The following ATRNL1 variants were observed in gnomAD, a reference collection of about 807,000 sequenced individuals.
ATRNL1 encodes the protein attractin like 1.
ATRNL1 carries 95 observed loss-of-function variants against 182.7 expected under a neutral mutation model. The observed-to-expected ratio is 0.52, with a 90% CI of 0.44 to 0.62. ATRNL1 has a LOEUF of 0.62. ATRNL1 is among the 20% of genes least tolerant of loss of function. The probability of loss-of-function intolerance (pLI) is 0.00; values close to 1 mark genes in which losing one functional copy is unlikely to be tolerated. For missense variants in ATRNL1, 1,471 were observed against 1,679.5 expected (o/e 0.88, Z 2.17); for synonymous variants, 576 against 568.3 (o/e 1.01, Z -0.19).
chr10:115,880,395 A>G (rs11197466), intron 28 of ATRNL1, among the ~76,000 whole-genome samples: 1 of 152,308 alleles, frequency 6.6e-6, no homozygotes, highest in East Asian at 1.9e-4. Flanking sequence ...AGGCCAAGGC[A>G]GGTGGATCAC....
At chr10:115,781,454 A>G (rs1481261893) in intron 27 of ATRNL1, among the ~76,000 whole-genome samples, 16 of 152,234 alleles carry the variant, frequency 1.1e-4, no homozygotes, top group African/African-American at 3.9e-4. Flanking sequence ...AGATTAAGAT[A>G]AATACATTTT....
At chr10:115,941,953 A>T (rs1193919675) in intron 28 of ATRNL1, among the ~76,000 whole-genome samples, 1 of 152,248 alleles carries the variant, frequency 6.6e-6, no homozygotes, top group Non-Finnish European at 1.5e-5. Context: ...TAAACTTTGA[A>T]CTTGTAATAA....
At chr10:115,668,711 T>G (rs1355462238) in intron 26 of ATRNL1, among the ~76,000 whole-genome samples, 1 of 152,160 alleles carries the variant, frequency 6.6e-6, no homozygotes, top group African/African-American at 2.4e-5. Context: ...CTTTTACATT[T>G]GTGTCTTAAA....
intron 25 of ATRNL1, among the ~76,000 whole-genome samples, chr10:115,531,235 G>T (rs2133746671): frequency 6.6e-6 from 1 of 151,716 alleles, no homozygotes; most frequent in South Asian, 2.1e-4. Context: ...CTAGTTTACA[G>T]TCCCACCAAC....
chr10:115,149,454 G>C (rs1425854889), intron 5 of ATRNL1, among the ~76,000 whole-genome samples: 1 of 151,966 alleles, frequency 6.6e-6, no homozygotes, highest in African/African-American at 2.4e-5. Flanking sequence ...TCCTGTAACA[G>C]TATGATATTA....
At chr10:115,466,416 C>A (rs1280505739) in intron 22 of ATRNL1, among the ~76,000 whole-genome samples, 1 of 151,274 alleles carries the variant, frequency 6.6e-6, no homozygotes, top group African/African-American at 2.4e-5. Context: ...TTATGACTAT[C>A]ATTCTTTGCC....
At chr10:115,456,664 T>G (rs1428848222) in intron 21 of ATRNL1, among the ~76,000 whole-genome samples, 1 of 152,096 alleles carries the variant, frequency 6.6e-6, no homozygotes, top group Non-Finnish European at 1.5e-5. Context: ...AATAGTAATA[T>G]ATGTAATACT....
chr10:115,771,469 A>G (rs1425645359), intron 27 of ATRNL1, among the ~76,000 whole-genome samples: 3 of 152,070 alleles, frequency 2.0e-5, no homozygotes, highest in African/African-American at 7.2e-5. Flanking sequence ...TGACCTCGTG[A>G]TCCGCCCGCC....
At chr10:115,189,310 T>C (rs1554889382) in intron 8 of ATRNL1, among the ~76,000 whole-genome samples, 1 of 151,716 alleles carries the variant, frequency 6.6e-6, no homozygotes, top group African/African-American at 2.4e-5. Flanking sequence ...TACTATACTT[T>C]TTATTATTTT....
intron 26 of ATRNL1, among the ~76,000 whole-genome samples, chr10:115,686,926 G>C (rs1946237057): frequency 6.6e-6 from 1 of 151,976 alleles, no homozygotes; most frequent in Non-Finnish European, 1.5e-5. Context: ...GTATATACTT[G>C]ATGAGTTTGG....
At chr10:115,124,861 T>G (rs923024107) in intron 3 of ATRNL1, among the ~76,000 whole-genome samples, 27 of 152,282 alleles carry the variant, frequency 1.8e-4, no homozygotes, top group African/African-American at 6.3e-4. Flanking sequence ...TATGCAGTAG[T>G]CATGCATTAG....
chr10:115,800,090 C>T (rs782354876), intron 27 of ATRNL1, among the ~76,000 whole-genome samples: 23 of 151,826 alleles, frequency 1.5e-4, no homozygotes, highest in Non-Finnish European at 2.6e-4. Flanking sequence ...CGTGGTGGTG[C>T]GTGCCTGTAA....
chr10:115,873,084 G>A (rs1951621664), intron 28 of ATRNL1, among the ~76,000 whole-genome samples: 1 of 151,898 alleles, frequency 6.6e-6, no homozygotes, highest in Non-Finnish European at 1.5e-5. Context: ...CGATAGCTGA[G>A]CATAATCAGT....
chr10:115,245,786 C>T (rs1487520284), intron 10 of ATRNL1, among the ~76,000 whole-genome samples: 1 of 151,880 alleles, frequency 6.6e-6, no homozygotes, highest in East Asian at 1.9e-4. Context: ...TCTGTTTATC[C>T]GTATTTCTCT....
chr10:115,795,850 A>G (rs890906712), intron 27 of ATRNL1, among the ~76,000 whole-genome samples: 6 of 152,210 alleles, frequency 3.9e-5, no homozygotes, highest in Admixed American at 2.0e-4. Flanking sequence ...CGGGATCACA[A>G]TTCAACGTGA....
intron 10 of ATRNL1, among the ~76,000 whole-genome samples, chr10:115,243,839 A>G (rs1027129341): frequency 2.7e-4 from 41 of 152,118 alleles, no homozygotes; most frequent in African/African-American, 9.4e-4. Flanking sequence ...ACATAAAGAC[A>G]GTTCCACAAT....
intron 24 of ATRNL1, among the ~76,000 whole-genome samples, chr10:115,518,344 C>A (rs1850742784): frequency 1.3e-5 from 2 of 151,656 alleles, no homozygotes; most frequent in Non-Finnish European, 1.5e-5. Flanking sequence ...TATGTTTTTG[C>A]AACATTTTCA....
intron 26 of ATRNL1, among the ~76,000 whole-genome samples, chr10:115,645,363 T>G (rs1859537037): frequency 6.7e-6 from 1 of 149,924 alleles, no homozygotes; most frequent in Non-Finnish European, 1.5e-5. Context: ...GTGAAAATTG[T>G]TCTTTCTTCC....
intron 20 of ATRNL1, among the ~76,000 whole-genome samples, chr10:115,414,704 C>G (rs1845304576): frequency 6.6e-6 from 1 of 151,706 alleles, no homozygotes; most frequent in Admixed American, 6.6e-5. Flanking sequence ...GTGTTTCTGT[C>G]TATGTGCGTA....
Sources: allele counts gnomAD v4.1 joint callset (sites outside exome capture counted in the v4.1 genomes callset), GRCh38; gene constraint gnomAD v4.1.1; transcripts MANE v1.5; gene names NCBI Gene and HGNC (gene_info 2026-07-23, HGNC 2026-07-21).